Variants in TIAL1 observed in about 807,000 individuals in gnomAD.
The protein encoded by TIAL1 is TIA1 cytotoxic granule associated RNA binding protein like 1, also known as nucleolysin TIAR.
In TIAL1, 7 loss-of-function variants were observed where a neutral mutation model predicts 59.7. That is an observed-to-expected ratio of 0.12 (90% CI 0.07 to 0.22). The LOEUF (loss-of-function observed/expected upper bound fraction) is 0.22. Ranked by LOEUF, TIAL1 falls within the 10% of genes least tolerant of loss-of-function variation. The pLI is 1.00. For missense variants in TIAL1, 225 were observed against 462.5 expected (o/e 0.49, Z 4.71); for synonymous variants, 149 against 146.3 (o/e 1.02, Z -0.13).
intron 1 of TIAL1, among the ~76,000 whole-genome samples, chr10:119,592,850 G>A (rs1225412359): frequency 6.6e-6 from 1 of 151,952 alleles, no homozygotes; most frequent in African/African-American, 2.4e-5. Flanking sequence ...TTGAATGAGG[G>A]GCTTGATTAT....
At chr10:119,594,623 A>G (rs140274002) in intron 1 of TIAL1, among the ~76,000 whole-genome samples, 47 of 152,248 alleles carry the variant, frequency 3.1e-4, no homozygotes, top group African/African-American at 1.1e-3. Flanking sequence ...GTTGAAGGAT[A>G]AAATTTTTTT....
chr10:119,589,743 T>G (rs1215124307), intron 1 of TIAL1, among the ~76,000 whole-genome samples: 1 of 152,246 alleles, frequency 6.6e-6, no homozygotes, highest in Non-Finnish European at 1.5e-5. Context: ...TTGGTTTATG[T>G]CTTGTACTAT....
At chr10:119,577,385 G>A in intron 9 of TIAL1, 66 bp downstream of exon 9, 1 of 1,505,748 alleles carries the variant, frequency 6.6e-7, no homozygotes, top group Non-Finnish European at 9.1e-7. Flanking sequence ...TGATACCCTG[G>A]AGAACATAAG....
Position 119,584,804 on chromosome 10 carries a change from G to A in TIAL1, c.130-2247C>T, listed in dbSNP as rs573781603. Reference sequence around the variant, plus strand: ...AGATCGTGCCACTGCACTCCAGCCCGGGCAACAGAGCCAGACTCTGTCTCA... The same window carrying A: ...AGATCGTGCCACTGCACTCCAGCCCAGGCAACAGAGCCAGACTCTGTCTCA... On this transcript the variant is annotated intron_variant, in intron 2 of 11. Transcript: ENST00000436547. 1.2e-4 allele frequency among the ~76,000 whole-genome samples: 18 copies of A among 152,038 alleles called. No individual in the cohort carries two copies. In the East Asian group the frequency reaches 1.5e-3, roughly 13 times the overall value.
intron 7 of TIAL1, among the ~76,000 whole-genome samples, chr10:119,578,336 C>T (rs950550474): frequency 6.6e-6 from 1 of 151,334 alleles, no homozygotes; most frequent in Non-Finnish European, 1.5e-5. Context: ...AGGTGATTCA[C>T]AGCTCCAAAA....
intron 1 of TIAL1, 65 bp from the exon 2 acceptor site, chr10:119,588,313 T>C (rs1004439332): frequency 3.4e-6 from 3 of 883,380 alleles, no homozygotes; most frequent in African/African-American, 3.5e-5. Flanking sequence ...TGTGTTATCA[T>C]CTAATTCATC....
chr10:119,589,762 CTTAAT>C (rs1236096862), intron 1 of TIAL1, among the ~76,000 whole-genome samples: 3 of 152,210 alleles, frequency 2.0e-5, no homozygotes, highest in African/African-American at 4.8e-5. Context: ...ATGGATTTAT[CTTAAT>C]TTATCTAAAT....
chr10:119,596,648 C>T lies in TIAL1; in HGVS notation c.-183G>A. On this transcript the variant is annotated 5_prime_UTR_variant, in exon 1 of 12. Transcript: ENST00000436547. The stretch of plus-strand genomic sequence containing the variant: ...GACACTGCGCTCCAACCAGGAGGAG[C>T]AGGAGGAGGAGGAGGATGAACAAAA... 5.0e-6 allele frequency: 3 copies of T among 600,144 alleles called. No homozygotes were observed. The highest frequency in any genetic ancestry group is 8.9e-6 in the Non-Finnish European group (3 of 338,766). The allele number at this position is 600,144 out of a possible 1,614,324, so 37.2% of individuals were successfully genotyped here.
At chr10:119,586,780 C>T (rs1433432341) in intron 2 of TIAL1, among the ~76,000 whole-genome samples, 2 of 152,228 alleles carry the variant, frequency 1.3e-5, no homozygotes, top group Non-Finnish European at 2.9e-5. Flanking sequence ...CTTGTATTTG[C>T]TGTTTCCTCT....
At chr10:119,590,971 AAT>A (rs1845854726) in intron 1 of TIAL1, among the ~76,000 whole-genome samples, 1 of 152,342 alleles carries the variant, frequency 6.6e-6, no homozygotes, top group East Asian at 1.9e-4. Context: ...TTATCATTTT[AAT>A]ATAACACATT....
At position 119,596,688 on chromosome 10, in the gene TIAL1, AG is replaced by A; in HGVS notation, c.-224del. The A allele has an allele frequency of 1.7e-6, 1 of 586,584 alleles. No homozygotes were observed. The highest frequency in any genetic ancestry group is 3.0e-6 in the Non-Finnish European group (1 of 329,064). The allele number at this position is 586,584 out of a possible 1,614,324, so 36.3% of individuals were successfully genotyped here. A position where few individuals can be genotyped will look rare whatever the true frequency, so the allele number is the denominator to read the frequency against. ...GATGAACAAAATGGCCGCCGCCACC[AG>A]CCAGGCAGGAAACAGGGCAGAGCGC... On this transcript the variant is annotated 5_prime_UTR_variant, in exon 1 of 12. Coordinates refer to ENST00000436547, the MANE Select transcript of TIAL1 (RefSeq NM_003252.4).
At chr10:119,577,811 T>A in intron 7 of TIAL1, 75 bp from the exon 8 acceptor site, 1 of 1,298,554 alleles carries the variant, frequency 7.7e-7, no homozygotes, top group Non-Finnish European at 1.1e-6. Flanking sequence ...TACTATATAC[T>A]ATTAAGATAT....
rs1374229898 is a variant in TIAL1, at chr10:119,577,135, A to G, written c.806T>C (p.Val269Ala). 1.2e-6 allele frequency: 2 copies of G among 1,613,918 alleles called. No individual in the cohort carries two copies. The highest frequency in any genetic ancestry group is 2.7e-5 in the African/African-American group (2 of 74,948). ...SVNGTTIEGH[V>A]VKCYWGKESP... ...TTCTTTACCCCAATAGCATTTAACCACATGTCCTTCAATCGTAGTACCGTT... is the reference window on the plus strand; with the variant it reads ...TTCTTTACCCCAATAGCATTTAACCGCATGTCCTTCAATCGTAGTACCGTT... Residue 269 changes from valine (V) to alanine (A), a missense_variant, in exon 10 of 12, where the codon GTG (valine) becomes GCG (alanine). Val to Ala is a moderately conservative substitution (Grantham distance 64). Around this residue, in one of 4 missense-constraint regions of TIAL1, gnomAD observed 80 missense variants for 158.8 expected, o/e 0.50. Transcript: ENST00000436547.
chr10:119,580,034 T>C (rs1845228451), intron 5 of TIAL1, 24 bp from the exon 6 acceptor site: 1 of 1,594,260 alleles, frequency 6.3e-7, no homozygotes, highest in Non-Finnish European at 8.5e-7. Context: ...CACAGCTAAA[T>C]GAGGGAAGTA....
At chr10:119,579,707 A>C (rs1256877614) in intron 6 of TIAL1, among the ~76,000 whole-genome samples, 1 of 152,174 alleles carries the variant, frequency 6.6e-6, no homozygotes, top group African/African-American at 2.4e-5. Flanking sequence ...TACAAACACA[A>C]TTTTAATAAT....
chr10:119,578,931 A>C, intron 6 of TIAL1, 97 bp from the exon 7 acceptor site: 1 of 867,252 alleles, frequency 1.2e-6, no homozygotes, highest in Non-Finnish European at 1.9e-6. Context: ...TTCCATACAA[A>C]TCAGTAGATG....
chr10:119,589,193 C>T (rs903698454), intron 1 of TIAL1, among the ~76,000 whole-genome samples: 1 of 152,066 alleles, frequency 6.6e-6, no homozygotes, highest in African/African-American at 2.4e-5. Context: ...TAAAATGCAT[C>T]AGAATCAACA....
chr10:119,582,002 G>A lies in TIAL1; in HGVS notation c.291C>T (p.Phe97=). 1.2e-6 allele frequency: 2 copies of A among 1,613,376 alleles called. No homozygotes were observed. Among genetic ancestry groups the A allele is most frequent in the Admixed American group, 1.7e-5 (1 of 59,988 alleles). ...SSQKKDTSNH[F]HVFVGDLSPE... Reference sequence around the variant, plus strand: ...GACTCAAATCCCCAACAAACACATGGAAGTGATCTGAAATCAGAGCATTTG... The same window carrying A: ...GACTCAAATCCCCAACAAACACATGAAAGTGATCTGAAATCAGAGCATTTG... The change falls in exon 5 of 12, where the codon TTC becomes TTT. Residue 97 remains phenylalanine (F), a synonymous_variant. Transcript: ENST00000436547. This position sits in a 1 kb window ranked among gnomAD's most constrained non-coding sequence, Gnocchi z 5.1.
intron 1 of TIAL1, among the ~76,000 whole-genome samples, chr10:119,589,262 G>A (rs777582788): frequency 2.0e-5 from 3 of 152,140 alleles, no homozygotes; most frequent in Non-Finnish European, 4.4e-5. Context: ...CTGGAGTGCA[G>A]TGGCATGATC....
Sources: allele counts gnomAD v4.1 joint callset (sites outside exome capture counted in the v4.1 genomes callset), GRCh38; gene constraint gnomAD v4.1.1; regional missense constraint gnomAD v4.1.1; non-coding constraint Gnocchi (gnomAD v3.1); transcripts MANE v1.5; gene names NCBI Gene and HGNC (gene_info 2026-07-23, HGNC 2026-07-21).